The following ADGRB3 variants were observed in gnomAD, a reference collection of about 807,000 sequenced individuals.
ADGRB3 encodes brain-specific angiogenesis inhibitor 3.
Under a neutral mutation model 193.4 loss-of-function variants are expected in ADGRB3, and 37 were observed. That is an observed-to-expected ratio of 0.19 (90% CI 0.15 to 0.25). ADGRB3 has a LOEUF of 0.25. Ranked by LOEUF, ADGRB3 falls within the 10% of genes least tolerant of loss-of-function variation. The pLI is 1.00. For missense variants in ADGRB3, 1,637 were observed against 1,852.9 expected, an observed-to-expected ratio of 0.88 and a Z score of 2.14; for synonymous variants, 690 against 644.2, an observed-to-expected ratio of 1.07 and a Z score of -1.08.
At chr6:69,362,123 G>A (rs1769467271) in intron 29 of ADGRB3, among the ~76,000 whole-genome samples, 1 of 151,856 alleles carries the variant, frequency 6.6e-6, no homozygotes, top group Non-Finnish European at 1.5e-5. Flanking sequence ...TGAATTGTCA[G>A]GAAGAATGTA....
rs185490960 is a variant in ADGRB3 at position 68,637,835 on chromosome 6, A to G, written c.-16+273A>G. On this transcript the variant is annotated intron_variant, in intron 2 of 31. Coordinates refer to ENST00000370598, the MANE Select transcript of ADGRB3 (RefSeq NM_001704.3). ...TTTTTTTAACTGATATCACCTTTGG[A>G]TACAGATACTAATACAGTGATCCAC... Among the ~76,000 whole-genome samples, 5 of 151,304 alleles carry G rather than the reference A, an allele frequency of 3.3e-5. No homozygotes were observed. In the East Asian group the frequency reaches 7.8e-4, roughly 24 times the overall value.
intron 17 of ADGRB3, among the ~76,000 whole-genome samples, chr6:69,110,040 C>T (rs768216113): frequency 2.0e-5 from 3 of 150,878 alleles, no homozygotes; most frequent in Admixed American, 6.6e-5. Flanking sequence ...CTCCACCTCC[C>T]GGGTTCAAGC....
intron 4 of ADGRB3, 66 bp from the exon 5 acceptor site, chr6:68,936,452 TG>T: frequency 6.9e-7 from 1 of 1,445,730 alleles, no homozygotes; most frequent in Non-Finnish European, 9.4e-7. Context: ...AATGTCAGTT[TG>T]GTATAATGCT....
At chr6:69,126,025 C>T (rs547732017) in intron 17 of ADGRB3, among the ~76,000 whole-genome samples, 22 of 152,158 alleles carry the variant, frequency 1.4e-4, no homozygotes, top group Non-Finnish European at 3.1e-4. Context: ...TTAATTTGTA[C>T]TTCCTGTGCT....
At chr6:68,674,969 G>A (rs1393768848) in intron 3 of ADGRB3, among the ~76,000 whole-genome samples, 1 of 152,068 alleles carries the variant, frequency 6.6e-6, no homozygotes, top group African/African-American at 2.4e-5. Flanking sequence ...AGATAGGGAA[G>A]TTAAAGATTA....
intron 26 of ADGRB3, among the ~76,000 whole-genome samples, chr6:69,345,966 C>G (rs896780470): frequency 6.6e-6 from 1 of 152,096 alleles, no homozygotes; most frequent in Non-Finnish European, 1.5e-5. Context: ...CAATAATAGA[C>G]AAACAGAGAG....
intron 3 of ADGRB3, among the ~76,000 whole-genome samples, chr6:68,774,553 T>G (rs41489047): frequency 0.038 from 5,707 of 152,084 alleles, 345 homozygotes; most frequent in African/African-American, 0.13. Context: ...TTCAGGTACT[T>G]TTTATTACAG....
Position 69,239,105 on chromosome 6 carries a change from C to A in ADGRB3, c.2712-19C>A, listed in dbSNP as rs1212338449. 2 of 1,482,784 alleles carry A rather than the reference C, an allele frequency of 1.3e-6. No homozygotes were observed. Among genetic ancestry groups the A allele is most frequent in the Non-Finnish European group, 1.9e-6 (2 of 1,073,498 alleles). 91.9% of individuals were successfully genotyped at this position (1,482,784 alleles called of 1,614,324 possible). ...TCTGTTGGATTTTAAAGTTGGGTAA[C>A]TTTTCTCTCTCTGGCTAGGTACATA... On this transcript the variant is annotated intron_variant, in intron 19 of 31. Coordinates refer to ENST00000370598, the MANE Select transcript of ADGRB3 (RefSeq NM_001704.3).
At chr6:68,978,773 C>A (rs1768822874) in intron 10 of ADGRB3, among the ~76,000 whole-genome samples, 1 of 151,384 alleles carries the variant, frequency 6.6e-6, no homozygotes, top group Non-Finnish European at 1.5e-5. Flanking sequence ...TAGAGTTTAT[C>A]ATTTCAACAT....
intron 24 of ADGRB3, among the ~76,000 whole-genome samples, chr6:69,335,516 T>A (rs1244480257): frequency 6.6e-6 from 1 of 152,108 alleles, no homozygotes; most frequent in Non-Finnish European, 1.5e-5. Flanking sequence ...CAAATTATAT[T>A]TCTAATATAA....
intron 30 of ADGRB3, among the ~76,000 whole-genome samples, chr6:69,373,557 T>C (rs1259525352): frequency 6.6e-6 from 1 of 152,106 alleles, no homozygotes; most frequent in Non-Finnish European, 1.5e-5. Context: ...TAACTTAGCA[T>C]TGAATATATA....
intron 23 of ADGRB3, chr6:69,331,472 C>CA: frequency 5.4e-6 from 5 of 924,128 alleles, no homozygotes; most frequent in Non-Finnish European, 6.5e-6. Flanking sequence ...ATGACTCATT[C>CA]AAAAAATTGG....
At chr6:68,886,325 G>A (rs895154673) in intron 3 of ADGRB3, among the ~76,000 whole-genome samples, 1 of 152,032 alleles carries the variant, frequency 6.6e-6, no homozygotes, top group Admixed American at 6.6e-5. Flanking sequence ...TCATTACTTA[G>A]TGACCAAACT....
At chr6:68,856,827 A>T (rs1350773982) in intron 3 of ADGRB3, among the ~76,000 whole-genome samples, 3 of 152,240 alleles carry the variant, frequency 2.0e-5, no homozygotes, top group African/African-American at 4.8e-5. Flanking sequence ...AGAGGTCTTG[A>T]CAGCAGCCCT....
At chr6:68,958,918 T>C (rs1768157648) in intron 8 of ADGRB3, among the ~76,000 whole-genome samples, 1 of 150,494 alleles carries the variant, frequency 6.6e-6, no homozygotes. Context: ...TGTGTACATA[T>C]ACACCAAGCT....
chr6:69,303,575 G>A (rs941814098), intron 20 of ADGRB3, among the ~76,000 whole-genome samples: 26 of 151,878 alleles, frequency 1.7e-4, no homozygotes, highest in African/African-American at 4.6e-4. Context: ...CTGCATTCCC[G>A]CACATTCAGC....
At chr6:69,001,706 C>A (rs1484581402) in intron 11 of ADGRB3, among the ~76,000 whole-genome samples, 1 of 152,152 alleles carries the variant, frequency 6.6e-6, no homozygotes, top group African/African-American at 2.4e-5. Flanking sequence ...ATAGAAATGT[C>A]CACAGGTCCT....
chr6:69,111,332 A>G (rs959365764), intron 17 of ADGRB3, among the ~76,000 whole-genome samples: 1 of 152,214 alleles, frequency 6.6e-6, no homozygotes, highest in Non-Finnish European at 1.5e-5. Context: ...ATGCCCAGGT[A>G]AATGGTTTGC....
chr6:68,659,242 A>G (rs139798130), intron 3 of ADGRB3, among the ~76,000 whole-genome samples: 5 of 150,994 alleles, frequency 3.3e-5, no homozygotes, highest in African/African-American at 4.8e-5. Flanking sequence ...AAGTGATTCA[A>G]TGTTTTGGGG....
Sources: allele counts gnomAD v4.1 joint callset (sites outside exome capture counted in the v4.1 genomes callset), GRCh38; gene constraint gnomAD v4.1.1; transcripts MANE v1.5; gene names NCBI Gene and HGNC (gene_info 2026-07-23, HGNC 2026-07-21).